The following SLC28A1 variants were observed in gnomAD, a reference collection of about 807,000 sequenced individuals.
SLC28A1 encodes sodium/nucleoside cotransporter 1.
In SLC28A1, 64 loss-of-function variants were observed where a neutral mutation model predicts 74.8. The observed-to-expected ratio is 0.86, with a 90% CI of 0.70 to 1.05. The LOEUF (loss-of-function observed/expected upper bound fraction) is 1.05. Ranked by LOEUF, SLC28A1 falls within the 50% of genes least tolerant of loss-of-function variation. SLC28A1 has a pLI of 0.00. For missense variants in SLC28A1, 828 were observed against 822.8 expected (o/e 1.01, Z -0.08); for synonymous variants, 359 against 335.0 (o/e 1.07, Z -0.78).
At chr15:84,902,172 T>G (rs1189455505) in intron 6 of SLC28A1, among the ~76,000 whole-genome samples, 2 of 152,174 alleles carry the variant, frequency 1.3e-5, no homozygotes, top group African/African-American at 2.4e-5. Flanking sequence ...TAAAAATTTA[T>G]ATAAAATTCT....
intron 2 of SLC28A1, 70 bp from the exon 3 acceptor site, chr15:84,887,675 C>T: frequency 6.3e-7 from 1 of 1,583,098 alleles, no homozygotes; most frequent in South Asian, 1.1e-5. Context: ...CTCCCCTTTC[C>T]CCGGGCCCCT....
At chr15:84,914,762 G>T (rs1555449576) in intron 9 of SLC28A1, among the ~76,000 whole-genome samples, 1 of 152,072 alleles carries the variant, frequency 6.6e-6, no homozygotes, top group Non-Finnish European at 1.5e-5. Flanking sequence ...CATCCTGCAG[G>T]CCCCAGAGGT....
At chr15:84,925,645 G>A (rs146125203) in intron 12 of SLC28A1, among the ~76,000 whole-genome samples, 32 of 152,230 alleles carry the variant, frequency 2.1e-4, no homozygotes, top group African/African-American at 7.5e-4. Context: ...ATACTGCGTT[G>A]CAACAGGCCT....
intron 12 of SLC28A1, among the ~76,000 whole-genome samples, chr15:84,928,565 T>C (rs1970807161): frequency 5.4e-5 from 1 of 18,622 alleles, no homozygotes; most frequent in African/African-American, 2.6e-4. Context: ...TTTCTTTCTT[T>C]CTTTCTTTCT....
At position 84,918,575 on chromosome 15, in the gene SLC28A1, G is replaced by A. The variant is rs373571814; in HGVS notation, c.847G>A (p.Val283Met). ...FSCVISVLYHVGLMQWVILKI... is the reference protein window; with the variant it reads ...FSCVISVLYHMGLMQWVILKI... Reference sequence around the variant, plus strand: ...CTGTGTCATATCCGTTCTCTACCACGTGGGCCTCATGCAGTGGGTGATCCT... The same window carrying A: ...CTGTGTCATATCCGTTCTCTACCACATGGGCCTCATGCAGTGGGTGATCCT... The change falls in exon 10 of 19, where the codon GTG becomes ATG. Residue 283 changes from valine to methionine, a missense_variant. Val to Met is a conservative substitution (Grantham distance 21, BLOSUM62 1). Transcript: ENST00000394573. 74 of 1,613,666 alleles carry A rather than the reference G, an allele frequency of 4.6e-5. No individual in the cohort carries two copies. Among genetic ancestry groups the A allele is most frequent in the Middle Eastern group, 1.6e-4 (1 of 6,084 alleles).
intron 9 of SLC28A1, among the ~76,000 whole-genome samples, chr15:84,912,138 G>T (rs1968349931): frequency 6.6e-6 from 1 of 152,194 alleles, no homozygotes; most frequent in African/African-American, 2.4e-5. Context: ...TGTGGCCACA[G>T]AATTCTCTTT....
chr15:84,932,108 A>G (rs147818915), intron 12 of SLC28A1, among the ~76,000 whole-genome samples: 154 of 152,122 alleles, frequency 1.0e-3, no homozygotes, highest in Admixed American at 3.3e-3. Flanking sequence ...TTCATGCGCC[A>G]TTTTGGAGTT....
At chr15:84,962,392 A>G in the SLC28A1 span, among the ~76,000 whole-genome samples, 3 of 151,908 alleles carry the variant, frequency 2.0e-5, no homozygotes, top group Non-Finnish European at 4.4e-5. Context: ...CTCTTTATAG[A>G]GACTCTGTAA....
At chr15:84,895,219 G>A (rs1965852285) in intron 6 of SLC28A1, 96 bp downstream of exon 6, 2 of 1,580,746 alleles carry the variant, frequency 1.3e-6, no homozygotes, top group Non-Finnish European at 1.7e-6. Context: ...GAGGAGGAAG[G>A]CTCTGTGTCA....
chr15:84,902,579 C>T (rs529211526), intron 6 of SLC28A1, among the ~76,000 whole-genome samples: 16 of 151,926 alleles, frequency 1.1e-4, no homozygotes, highest in South Asian at 2.1e-4. Flanking sequence ...GTGATGGATA[C>T]GTTCACTCTC....
the SLC28A1 span, among the ~76,000 whole-genome samples, chr15:84,973,420 T>G: frequency 1.3e-5 from 2 of 152,204 alleles, no homozygotes. Context: ...TCAACACCCA[T>G]TAACTCTAGA....
At chr15:84,947,083 G>A (rs2079257886), downstream of SLC28A1, among the ~76,000 whole-genome samples, 1 of 152,228 alleles carries the variant, frequency 6.6e-6, no homozygotes, top group African/African-American at 2.4e-5. Flanking sequence ...ACAGACTTTG[G>A]TTCCAGTGGG....
At chr15:84,975,649 A>G in the SLC28A1 span, 7 of 437,684 alleles carry the variant, frequency 1.6e-5, no homozygotes, top group African/African-American at 1.4e-4. Context: ...GTCTTTGAAA[A>G]GAATGAGTTT....
At chr15:84,960,228 CTTTTTTTTTTTTTTTTTTTTTTTTTTT>C in the SLC28A1 span, among the ~76,000 whole-genome samples, 35 of 85,592 alleles carry the variant, frequency 4.1e-4, 5 homozygotes, top group East Asian at 7.6e-3. Flanking sequence ...TGCCTGCCTG[CTTTTTTTTTTTTTTTTTTTTTTTTTTT>C]TTTTTTTTTT....
chr15:84,908,330 C>T (rs1596271240), intron 8 of SLC28A1, among the ~76,000 whole-genome samples: 2 of 151,738 alleles, frequency 1.3e-5, no homozygotes, highest in South Asian at 4.2e-4. Context: ...ATTACAGGTG[C>T]CCACCACCAT....
At chr15:84,886,416 C>A in intron 1 of SLC28A1, 2 of 985,358 alleles carry the variant, frequency 2.0e-6, no homozygotes, top group Non-Finnish European at 2.4e-6. Context: ...AGGTGGCTTC[C>A]TGGAAGAAGC....
At chr15:84,901,685 A>G (rs1335027500) in intron 6 of SLC28A1, among the ~76,000 whole-genome samples, 1 of 152,252 alleles carries the variant, frequency 6.6e-6, no homozygotes, top group Non-Finnish European at 1.5e-5. Flanking sequence ...GCTGATTAGA[A>G]TGGGTAGAAT....
At chr15:84,929,430 G>C (rs549560969) in intron 12 of SLC28A1, among the ~76,000 whole-genome samples, 1 of 151,962 alleles carries the variant, frequency 6.6e-6, no homozygotes, top group East Asian at 1.9e-4. Context: ...TGTAACCCCA[G>C]CTACTCAGGA....
chr15:84,972,860 T>A, the SLC28A1 span, among the ~76,000 whole-genome samples: 2 of 152,256 alleles, frequency 1.3e-5, no homozygotes, highest in Non-Finnish European at 2.9e-5. Flanking sequence ...ATACACACAT[T>A]TGAAAAATAG....
Sources: gnomAD v4.1 joint callset for allele counts (sites outside exome capture counted in the v4.1 genomes callset) on GRCh38, gnomAD v4.1.1 for gene constraint, MANE v1.5 for transcripts, NCBI Gene and HGNC (gene_info 2026-07-23, HGNC 2026-07-21) for gene names.